The following SAMSN1 variants were observed in gnomAD, a reference collection of about 807,000 sequenced individuals.
SAMSN1 encodes SAM domain, SH3 domain and nuclear localization signals 1, also known as SAM domain-containing protein SAMSN-1.
In SAMSN1, 31 loss-of-function variants were observed where a neutral mutation model predicts 42.0. That is an observed-to-expected ratio of 0.74 (90% CI 0.55 to 1.00). The LOEUF (loss-of-function observed/expected upper bound fraction) is 1.00. SAMSN1 is among the 50% of genes least tolerant of loss of function. The pLI is 0.00. For missense variants in SAMSN1, 464 were observed against 439.4 expected (o/e 1.06, Z -0.50); for synonymous variants, 178 against 151.9 (o/e 1.17, Z -1.26).
At chr21:14,508,081 T>A (rs1987497368) in intron 5 of SAMSN1, among the ~76,000 whole-genome samples, 1 of 152,184 alleles carries the variant, frequency 6.6e-6, no homozygotes, top group East Asian at 1.9e-4. Context: ...GACTTAAATC[T>A]AAGATCTGAA....
chr21:14,511,775 T>C (rs1317168343), intron 4 of SAMSN1, among the ~76,000 whole-genome samples: 1 of 152,242 alleles, frequency 6.6e-6, no homozygotes, highest in Non-Finnish European at 1.5e-5. Flanking sequence ...CTGAGTGATT[T>C]CCTTCTTAGA....
upstream of SAMSN1, among the ~76,000 whole-genome samples, chr21:14,547,425 T>C (rs1425203055): frequency 2.0e-5 from 3 of 152,118 alleles, no homozygotes; most frequent in Non-Finnish European, 4.4e-5. Context: ...TTTATGATAA[T>C]GAAAAAAGCA....
chr21:14,541,883 C>T (rs1298511958), intron 1 of SAMSN1, among the ~76,000 whole-genome samples: 2 of 151,642 alleles, frequency 1.3e-5, no homozygotes, highest in African/African-American at 4.8e-5. Flanking sequence ...ATTCCAGCGA[C>T]TCGGGAGGCT....
chr21:14,651,774 C>T (rs888020396), intron 1 of SAMSN1, among the ~76,000 whole-genome samples: 1 of 151,856 alleles, frequency 6.6e-6, no homozygotes, highest in African/African-American at 2.4e-5. Flanking sequence ...ATTTGGAAAA[C>T]CCTAAAAATT....
chr21:14,521,148 A>G lies in SAMSN1; in HGVS notation c.129+2T>C. 4 of 1,589,150 alleles carry G rather than the reference A, an allele frequency of 2.5e-6. No individual in the cohort carries two copies. The highest frequency in any genetic ancestry group is 3.4e-6 in the Non-Finnish European group (4 of 1,160,962). ...TTCATAAAAATGGAATAAACTACGAACCTCAGTTGAATCATCTGGTTTTGA... is the reference window on the plus strand; with the variant it reads ...TTCATAAAAATGGAATAAACTACGAGCCTCAGTTGAATCATCTGGTTTTGA... On this transcript the variant is annotated splice_donor_variant, in intron 2 of 7. Transcript: ENST00000400566. LOFTEE classifies it high-confidence loss of function.
Position 14,603,515 on chromosome 21 carries a change from G to A in SAMSN1, c.323-1416C>T, listed in dbSNP as rs73170064. Among the ~76,000 whole-genome samples the A allele has an allele frequency of 9.1e-3, 1,389 of 152,312 alleles. 6 individuals are homozygous for A. The highest frequency in any genetic ancestry group is 0.014 in the Non-Finnish European group (956 of 68,030). ...AAAAAGTGGAAGGAAAGGAAAAGGTGTAAATATAGCAGTGATTCCATGAAC... is the reference window on the plus strand; with the variant it reads ...AAAAAGTGGAAGGAAAGGAAAAGGTATAAATATAGCAGTGATTCCATGAAC... On this transcript the variant is annotated intron_variant, in intron 5 of 15. Coordinates refer to the SAMSN1 transcript ENST00000647101.
At chr21:14,530,415 T>C (rs938345383) in intron 1 of SAMSN1, among the ~76,000 whole-genome samples, 4 of 151,818 alleles carry the variant, frequency 2.6e-5, no homozygotes, top group Non-Finnish European at 5.9e-5. Flanking sequence ...ACATATGCTA[T>C]GTATAAGATG....
intron 2 of SAMSN1, among the ~76,000 whole-genome samples, chr21:14,565,081 G>A (rs1272270831): frequency 6.6e-6 from 1 of 151,992 alleles, no homozygotes; most frequent in African/African-American, 2.4e-5. Context: ...GATCACTTGA[G>A]GTGAGGAGTT....
At chr21:14,576,330 G>A (rs189531472) in intron 2 of SAMSN1, among the ~76,000 whole-genome samples, 1 of 152,272 alleles carries the variant, frequency 6.6e-6, no homozygotes, top group East Asian at 1.9e-4. Context: ...CAGGGTCAGA[G>A]AGACCGAGGG....
intron 2 of SAMSN1, among the ~76,000 whole-genome samples, chr21:14,617,921 G>A (rs890093219): frequency 6.6e-6 from 1 of 152,212 alleles, no homozygotes; most frequent in East Asian, 1.9e-4. Flanking sequence ...TGAAGCTTTT[G>A]TTAATACAAT....
chr21:14,518,830 C>T (rs578008247), intron 2 of SAMSN1, among the ~76,000 whole-genome samples: 49 of 152,256 alleles, frequency 3.2e-4, no homozygotes, highest in Admixed American at 1.2e-3. Context: ...AAATTTAATT[C>T]GGAAGCACTT....
chr21:14,616,110 C>A, intron 2 of SAMSN1: 1 of 404,336 alleles, frequency 2.5e-6, no homozygotes, highest in Non-Finnish European at 4.6e-6. Context: ...CATTCATTTT[C>A]TAGTATAATC....
chr21:14,649,164 T>A (rs1208669186), intron 1 of SAMSN1, among the ~76,000 whole-genome samples: 8 of 151,444 alleles, frequency 5.3e-5, no homozygotes, highest in Non-Finnish European at 1.0e-4. Context: ...GTAAAAACTA[T>A]CACAAGAACA....
intron 1 of SAMSN1, among the ~76,000 whole-genome samples, chr21:14,526,418 C>T (rs1018675369): frequency 6.6e-6 from 1 of 152,148 alleles, no homozygotes; most frequent in Non-Finnish European, 1.5e-5. Flanking sequence ...AGTACAGAAC[C>T]AGGGTCAGCT....
intron 1 of SAMSN1, among the ~76,000 whole-genome samples, chr21:14,644,647 G>T (rs996561494): frequency 2.0e-5 from 3 of 152,220 alleles, no homozygotes; most frequent in Non-Finnish European, 4.4e-5. Flanking sequence ...AGAGGGAAAT[G>T]CAAAGGGGAC....
upstream of SAMSN1, chr21:14,583,909 ACT>A: frequency 1.8e-6 from 1 of 559,866 alleles, no homozygotes; most frequent in Non-Finnish European, 3.2e-6. Flanking sequence ...CAATTTAAGC[ACT>A]AACTTGAAAG....
At chr21:14,570,925 T>C (rs550266175) in intron 2 of SAMSN1, among the ~76,000 whole-genome samples, 29 of 152,302 alleles carry the variant, frequency 1.9e-4, no homozygotes, top group Non-Finnish European at 4.1e-4. Context: ...TAAGACCATA[T>C]GTGGTCTGAC....
intron 5 of SAMSN1, among the ~76,000 whole-genome samples, chr21:14,604,868 G>A (rs1787737197): frequency 6.6e-6 from 1 of 152,236 alleles, no homozygotes; most frequent in African/African-American, 2.4e-5. Flanking sequence ...CTTCCCAAAT[G>A]AAGCCTCAGA....
chr21:14,530,778 A>G (rs1358287339), intron 1 of SAMSN1, among the ~76,000 whole-genome samples: 2 of 152,172 alleles, frequency 1.3e-5, no homozygotes, highest in Non-Finnish European at 2.9e-5. Flanking sequence ...GGGGAAGAAG[A>G]GAGGAACTGC....
Sources: gnomAD v4.1 joint callset for allele counts (sites outside exome capture counted in the v4.1 genomes callset) on GRCh38, gnomAD v4.1.1 for gene constraint, MANE v1.5 for transcripts, NCBI Gene and HGNC (gene_info 2026-07-23, HGNC 2026-07-21) for gene names.